The following CTNNA3 variants were observed in gnomAD, a reference collection of about 807,000 sequenced individuals.
The protein encoded by CTNNA3 is catenin alpha 3.
A neutral mutation model predicts 95.7 loss-of-function variants in CTNNA3; 76 were observed. The ratio of observed to expected loss-of-function variants is 0.79; its 90% CI spans 0.66 to 0.96. The LOEUF is 0.96. CTNNA3 is among the 40% of genes least tolerant of loss of function. The pLI is 0.00. For missense variants in CTNNA3, 1,191 were observed against 1,089.8 expected (o/e 1.09, Z -1.31); for synonymous variants, 431 against 374.4 (o/e 1.15, Z -1.74).
intron 14 of CTNNA3, among the ~76,000 whole-genome samples, chr10:66,081,021 G>A (rs7921402): frequency 0.29 from 43,437 of 152,084 alleles, 6,930 homozygotes; most frequent in South Asian, 0.43. Context: ...GTTCTCTAAA[G>A]TAGATGCTTT....
At chr10:67,257,867 G>A (rs903467500) in intron 5 of CTNNA3, among the ~76,000 whole-genome samples, 4 of 152,184 alleles carry the variant, frequency 2.6e-5, no homozygotes, top group African/African-American at 9.6e-5. Context: ...AACATGAAGT[G>A]TTCAGGTGTG....
intron 15 of CTNNA3, among the ~76,000 whole-genome samples, chr10:66,025,934 T>TAC (rs1301271011): frequency 2.6e-5 from 4 of 152,142 alleles, no homozygotes; most frequent in South Asian, 2.1e-4. Flanking sequence ...AGTATGAACA[T>TAC]ACACACACAC....
intron 6 of CTNNA3, among the ~76,000 whole-genome samples, chr10:67,190,047 T>G (rs1863047621): frequency 6.6e-6 from 1 of 152,170 alleles, no homozygotes; most frequent in Non-Finnish European, 1.5e-5. Flanking sequence ...TGCTGATCAT[T>G]TTTCTTTTTG....
chr10:66,287,531 C>T (rs1252112453), intron 12 of CTNNA3, among the ~76,000 whole-genome samples: 2 of 151,928 alleles, frequency 1.3e-5, no homozygotes, highest in Non-Finnish European at 2.9e-5. Context: ...AGAATAACCA[C>T]CCTGAGACAT....
chr10:67,385,568 C>T (rs1262729107), intron 5 of CTNNA3, among the ~76,000 whole-genome samples: 2 of 152,116 alleles, frequency 1.3e-5, no homozygotes, highest in Non-Finnish European at 2.9e-5. Flanking sequence ...TTTGATTGTA[C>T]AAATATCTAT....
At chr10:66,630,880 A>T (rs1845111545) in intron 9 of CTNNA3, among the ~76,000 whole-genome samples, 1 of 152,202 alleles carries the variant, frequency 6.6e-6, no homozygotes, top group Non-Finnish European at 1.5e-5. Context: ...AATATTGATT[A>T]TGCACCTATT....
At chr10:66,142,196 C>T (rs1048838251) in intron 13 of CTNNA3, among the ~76,000 whole-genome samples, 5 of 152,064 alleles carry the variant, frequency 3.3e-5, no homozygotes, top group African/African-American at 1.2e-4. Context: ...AAGTCTGTGT[C>T]TAAATTCTTT....
chr10:67,037,108 C>A (rs929226791), intron 7 of CTNNA3, among the ~76,000 whole-genome samples: 1 of 152,014 alleles, frequency 6.6e-6, no homozygotes, highest in Non-Finnish European at 1.5e-5. Flanking sequence ...GGGTGAGGAT[C>A]TTGGAGTTTA....
chr10:67,460,412 G>A (rs192375923), intron 5 of CTNNA3, among the ~76,000 whole-genome samples: 1 of 152,122 alleles, frequency 6.6e-6, no homozygotes. Flanking sequence ...TGGTTTAAGA[G>A]AATTTTTTAA....
intron 7 of CTNNA3, among the ~76,000 whole-genome samples, chr10:66,900,290 C>A (rs1469805197): frequency 6.6e-6 from 1 of 152,078 alleles, no homozygotes; most frequent in Admixed American, 6.6e-5. Context: ...CTGACTGTTA[C>A]AAGGAAAACT....
At chr10:66,463,499 G>A (rs553852669) in intron 11 of CTNNA3, among the ~76,000 whole-genome samples, 1 of 152,208 alleles carries the variant, frequency 6.6e-6, no homozygotes, top group African/African-American at 2.4e-5. Context: ...TTATAGCAAT[G>A]CCAACAGACT....
At chr10:66,599,036 TA>T (rs11329474) in intron 10 of CTNNA3, among the ~76,000 whole-genome samples, 30,022 of 151,744 alleles carry the variant, frequency 0.2, 3,507 homozygotes, top group African/African-American at 0.32. Context: ...GGTACTGGCA[TA>T]AAAACAGACA....
chr10:66,840,362 TCTCTCTCTCTCACACACACACA>T (rs1564716137), intron 7 of CTNNA3, among the ~76,000 whole-genome samples: 4 of 98,538 alleles, frequency 4.1e-5, no homozygotes, highest in African/African-American at 1.9e-4. Context: ...TCTCTCTCTC[TCTCTCTCTCTCACACACACACA>T]CACACACACA....
chr10:67,341,564 T>C (rs1407048918), intron 5 of CTNNA3, among the ~76,000 whole-genome samples: 1 of 152,216 alleles, frequency 6.6e-6, no homozygotes, highest in Non-Finnish European at 1.5e-5. Context: ...CCATTGTGTA[T>C]ATGTACCACA....
chr10:67,668,204 C>T (rs1599873), intron 1 of CTNNA3, among the ~76,000 whole-genome samples: 34,448 of 151,916 alleles, frequency 0.23, 7,849 homozygotes, highest in African/African-American at 0.59. Context: ...TTAAGGATAA[C>T]GCTTAGGGGT....
chr10:66,368,530 C>T (rs2092729866), intron 12 of CTNNA3, among the ~76,000 whole-genome samples: 1 of 151,832 alleles, frequency 6.6e-6, no homozygotes, highest in East Asian at 1.9e-4. Context: ...GTAGTTATAT[C>T]TTTTCAGTTT....
intron 13 of CTNNA3, among the ~76,000 whole-genome samples, chr10:66,224,385 C>T (rs2089148885): frequency 1.3e-5 from 2 of 152,308 alleles, no homozygotes; most frequent in South Asian, 2.1e-4. Flanking sequence ...TTTTCCACCA[C>T]ACCAGGTAGT....
At chr10:66,304,139 TG>T (rs1373209755) in intron 12 of CTNNA3, among the ~76,000 whole-genome samples, 1 of 152,002 alleles carries the variant, frequency 6.6e-6, no homozygotes, top group East Asian at 1.9e-4. Flanking sequence ...ACAAACATAT[TG>T]GGGGGAAGAA....
intron 1 of CTNNA3, among the ~76,000 whole-genome samples, chr10:67,683,715 T>C (rs1178540859): frequency 6.6e-6 from 1 of 152,222 alleles, no homozygotes; most frequent in African/African-American, 2.4e-5. Context: ...ACACTCGTGG[T>C]GAGTGTTACC....
Sources: gnomAD v4.1 joint callset for allele counts (sites outside exome capture counted in the v4.1 genomes callset) on GRCh38, gnomAD v4.1.1 for gene constraint, MANE v1.5 for transcripts, NCBI Gene and HGNC (gene_info 2026-07-23, HGNC 2026-07-21) for gene names.